COL21A1: variants seen among roughly 807,000 people sequenced by gnomAD.
COL21A1 encodes collagen type XXI alpha 1 chain.
In COL21A1, 149 loss-of-function variants were observed where a neutral mutation model predicts 137.9. The ratio of observed to expected loss-of-function variants is 1.08; its 90% confidence interval spans 0.95 to 1.24. The LOEUF (loss-of-function observed/expected upper bound fraction) is 1.24, where lower values mean the gene tolerates loss of function less well. COL21A1 is among the 50% of genes most tolerant of loss of function. The probability of loss-of-function intolerance (pLI) is 0.00; values close to 1 mark genes in which losing one functional copy is unlikely to be tolerated. For missense variants in COL21A1, 1,167 were observed against 1,158.4 expected, an observed-to-expected ratio of 1.01 and a Z score of -0.11; for synonymous variants, 456 against 391.5, an observed-to-expected ratio of 1.16 and a Z score of -1.95.
intron 16 of COL21A1, among the ~76,000 whole-genome samples, chr6:56,112,706 C>T (rs1251212938): frequency 7.2e-5 from 9 of 125,322 alleles, no homozygotes; most frequent in East Asian, 2.4e-4. Flanking sequence ...TTTTTTGAGA[C>T]GGAGTTTCGC....
intron 16 of COL21A1, among the ~76,000 whole-genome samples, chr6:56,107,343 A>G (rs1042030763): frequency 2.6e-5 from 4 of 152,124 alleles, no homozygotes; most frequent in Admixed American, 6.5e-5. Flanking sequence ...ATTTCAATAT[A>G]TCTGTAATTG....
At chr6:56,091,388 C>T (rs1166818395) in intron 17 of COL21A1, 1 of 152,578 alleles carries the variant, frequency 6.6e-6, no homozygotes, top group East Asian at 1.9e-4. Flanking sequence ...GCCAGTGTTT[C>T]AACTACACTA....
At chr6:56,367,052 A>T (rs1024320373) in intron 1 of COL21A1, among the ~76,000 whole-genome samples, 19 of 152,230 alleles carry the variant, frequency 1.2e-4, no homozygotes, top group Admixed American at 4.6e-4. Context: ...GGTCTCTGTG[A>T]TCTTACAAAT....
At chr6:56,082,778 G>A (rs1020296171) in intron 17 of COL21A1, among the ~76,000 whole-genome samples, 1 of 151,536 alleles carries the variant, frequency 6.6e-6, no homozygotes, top group African/African-American at 2.4e-5. Context: ...ACTAATAAGT[G>A]AATTTTTAAA....
At chr6:56,371,125 CA>C (rs2093987873) in intron 1 of COL21A1, among the ~76,000 whole-genome samples, 1 of 152,094 alleles carries the variant, frequency 6.6e-6, no homozygotes, top group Non-Finnish European at 1.5e-5. Flanking sequence ...GAAATTCAGC[CA>C]ATAAGTGTGA....
intron 1 of COL21A1, among the ~76,000 whole-genome samples, chr6:56,311,549 T>C (rs1321678571): frequency 6.6e-6 from 1 of 152,234 alleles, no homozygotes; most frequent in Non-Finnish European, 1.5e-5. Context: ...CAGATTTTTA[T>C]AACAGGCAAA....
intron 17 of COL21A1, among the ~76,000 whole-genome samples, chr6:56,082,134 TTAAAA>T (rs1426226611): frequency 6.6e-6 from 1 of 151,660 alleles, no homozygotes; most frequent in African/African-American, 2.4e-5. Flanking sequence ...TCTTAGCAAA[TTAAAA>T]TAACAAACCC....
chr6:56,067,408 C>T, intron 22 of COL21A1, 78 bp from the exon 23 acceptor site: 1 of 1,350,290 alleles, frequency 7.4e-7, no homozygotes, highest in African/African-American at 1.5e-5. Flanking sequence ...TTTTTCTCTG[C>T]TGAAGAAAAA....
intron 10 of COL21A1, among the ~76,000 whole-genome samples, chr6:56,155,058 C>T (rs939455654): frequency 3.9e-5 from 6 of 152,124 alleles, no homozygotes; most frequent in African/African-American, 1.4e-4. Flanking sequence ...TCCTGACCCT[C>T]TCCCCCCTCC....
chr6:56,171,092 C>G lies in COL21A1; in HGVS notation c.677G>C (p.Arg226Pro). The G allele has an allele frequency of 1.2e-6, 2 of 1,606,920 alleles. No individual in the cohort carries two copies. Among genetic ancestry groups the G allele is most frequent in the Non-Finnish European group, 1.7e-6 (2 of 1,177,220 alleles). ...VCPTRIPVAA[R>P]DERGFDILLG... is the part of the protein sequence containing the mutation. ...AAGAATATCAAATCCCCTTTCATCA[C>G]GAGCTGCCACTGGAATTCGTGTTGG... is the stretch of plus-strand genomic sequence containing the variant. The change falls in exon 4 of 30, where the codon CGT becomes CCT. Residue 226 changes from arginine (R) to proline (P), a missense_variant. Physicochemically the swap from Arg to Pro is moderately radical, Grantham distance 103. Transcript: ENST00000244728.
intron 12 of COL21A1, among the ~76,000 whole-genome samples, chr6:56,137,509 G>T (rs1441304052): frequency 6.6e-6 from 1 of 152,142 alleles, no homozygotes; most frequent in Admixed American, 6.6e-5. Context: ...CTCTAACACA[G>T]TGATGGGGAT....
At chr6:56,213,034 A>G (rs1051227085) in intron 1 of COL21A1, among the ~76,000 whole-genome samples, 1 of 152,098 alleles carries the variant, frequency 6.6e-6, no homozygotes, top group African/African-American at 2.4e-5. Context: ...TGTGACTGCT[A>G]TCTTAGACTC....
At chr6:56,363,273 C>T (rs113006153) in intron 1 of COL21A1, among the ~76,000 whole-genome samples, 4 of 152,196 alleles carry the variant, frequency 2.6e-5, no homozygotes, top group South Asian at 2.1e-4. Context: ...GTCATATACA[C>T]GTAATAAGTA....
chr6:56,099,694 A>T (rs571308478), intron 17 of COL21A1, among the ~76,000 whole-genome samples: 3 of 151,980 alleles, frequency 2.0e-5, no homozygotes, highest in Admixed American at 1.3e-4. Context: ...ATACACACAC[A>T]CACCTACTTT....
At chr6:56,343,431 A>G (rs1266852732) in intron 1 of COL21A1, among the ~76,000 whole-genome samples, 2 of 152,206 alleles carry the variant, frequency 1.3e-5, no homozygotes, top group South Asian at 2.1e-4. Flanking sequence ...AAAAAATTGC[A>G]TGCTTCTCAC....
chr6:56,106,115 T>C (rs1770859879), intron 16 of COL21A1, among the ~76,000 whole-genome samples: 1 of 152,226 alleles, frequency 6.6e-6, no homozygotes, highest in African/African-American at 2.4e-5. Flanking sequence ...TTATCTCTTC[T>C]CTGCCACATT....
At chr6:56,278,559 C>T (rs1403663975) in intron 1 of COL21A1, among the ~76,000 whole-genome samples, 1 of 152,124 alleles carries the variant, frequency 6.6e-6, no homozygotes, top group African/African-American at 2.4e-5. Flanking sequence ...CCCTTTTTTC[C>T]TTTCCTTCAG....
At chr6:56,260,882 G>GTGTGTGTGTA (rs1343375385) in intron 1 of COL21A1, among the ~76,000 whole-genome samples, 1 of 148,108 alleles carries the variant, frequency 6.8e-6, no homozygotes, top group Non-Finnish European at 1.5e-5. Context: ...GTGTGTATGT[G>GTGTGTGTGTA]TGTGTGTGTG....
At chr6:56,255,861 C>A (rs754341260) in intron 1 of COL21A1, among the ~76,000 whole-genome samples, 5 of 152,116 alleles carry the variant, frequency 3.3e-5, no homozygotes, top group Admixed American at 3.3e-4. Flanking sequence ...TCACCGCAGC[C>A]GCTGTCTGAG....
Sources: gnomAD v4.1 joint callset for allele counts (sites outside exome capture counted in the v4.1 genomes callset) on GRCh38, gnomAD v4.1.1 for gene constraint, MANE v1.5 for transcripts, NCBI Gene and HGNC (gene_info 2026-07-23, HGNC 2026-07-21) for gene names.